PRKCH: variants seen among roughly 807,000 people sequenced by gnomAD.
The protein encoded by PRKCH is protein kinase C eta type.
PRKCH carries 28 observed loss-of-function variants against 82.5 expected under a neutral mutation model. That is an observed-to-expected ratio of 0.34 (90% CI 0.25 to 0.47). The LOEUF (loss-of-function observed/expected upper bound fraction) is 0.47, where lower values mean the gene tolerates loss of function less well. Ranked by LOEUF, PRKCH falls within the 20% of genes least tolerant of loss-of-function variation. The pLI is 1.00. For synonymous variants in PRKCH, 322 were observed against 327.4 expected (o/e 0.98, Z 0.18); for missense variants, 705 against 881.8 (o/e 0.80, Z 2.54).
intron 6 of PRKCH, chr14:61,453,007 A>T (rs1884583921): frequency 5.2e-6 from 3 of 578,604 alleles, no homozygotes; most frequent in Non-Finnish European, 9.0e-6. Context: ...GAAATATATT[A>T]TTCTTTAGTA....
chr14:61,276,422 C>T (rs2045202686), intron 1 of PRKCH, among the ~76,000 whole-genome samples: 1 of 151,404 alleles, frequency 6.6e-6, no homozygotes, highest in Admixed American at 6.6e-5. Flanking sequence ...GTGGCATGAT[C>T]TCGGCTTACT....
chr14:61,502,057 TTTCTTTTC>T (rs1196450236), intron 10 of PRKCH, among the ~76,000 whole-genome samples: 1 of 88,726 alleles, frequency 1.1e-5, no homozygotes, highest in African/African-American at 5.7e-5. Context: ...TTTCTTTTCT[TTTCTTTTC>T]TTTTTTTTTT....
At chr14:61,505,395 C>CTTTTTT (rs60304150) in intron 10 of PRKCH, among the ~76,000 whole-genome samples, 25 of 55,758 alleles carry the variant, frequency 4.5e-4, no homozygotes, top group East Asian at 7.9e-4. Flanking sequence ...CTTTTCTTTT[C>CTTTTTT]TTTTTTTTTT....
At chr14:61,338,038 G>T (rs1323555023) in intron 1 of PRKCH, among the ~76,000 whole-genome samples, 5 of 152,162 alleles carry the variant, frequency 3.3e-5, no homozygotes, top group African/African-American at 9.7e-5. Context: ...TACCTGGGTT[G>T]TGGTTGTATT....
chr14:61,212,427 A>C (rs2044590015), intron 1 of PRKCH, among the ~76,000 whole-genome samples: 1 of 152,262 alleles, frequency 6.6e-6, no homozygotes, highest in Non-Finnish European at 1.5e-5. Flanking sequence ...TAGAATCAGT[A>C]ATACATAGAC....
At position 61,335,007 on chromosome 14, in the gene PRKCH, T is replaced by G. The variant is rs140853016; in HGVS notation, c.363+12543T>G. Reference sequence around the variant, plus strand: ...AGCCGCCACTCCTAGCCTGGTTGCTTTTTTTATTTTAATCTTTAACAAAAT... The same window carrying G: ...AGCCGCCACTCCTAGCCTGGTTGCTGTTTTTATTTTAATCTTTAACAAAAT... On this transcript the variant is annotated intron_variant, in intron 1 of 13. Coordinates refer to ENST00000332981, the MANE Select transcript of PRKCH (RefSeq NM_006255.5). Among the ~76,000 whole-genome samples the G allele has an allele frequency of 4.4e-3, 668 of 152,186 alleles. 3 individuals carry two copies. Among genetic ancestry groups the G allele is most frequent in the African/African-American group, 0.015 (619 of 41,536 alleles).
intron 1 of PRKCH, among the ~76,000 whole-genome samples, chr14:61,355,652 A>G (rs926311293): frequency 3.7e-4 from 57 of 152,186 alleles, no homozygotes; most frequent in African/African-American, 1.4e-3. Flanking sequence ...TTATAGTCTC[A>G]TATTCAACAT....
At chr14:61,250,641 T>C (rs1373064127) in intron 1 of PRKCH, among the ~76,000 whole-genome samples, 1 of 152,120 alleles carries the variant, frequency 6.6e-6, no homozygotes, top group East Asian at 1.9e-4. Context: ...AGTAAAACGA[T>C]TCTGCATGAT....
rs143405741 is a variant in PRKCH, at chr14:61,374,234, A to T, written c.364-16991A>T. Among the ~76,000 whole-genome samples, 103 of 152,278 alleles carry T rather than the reference A, an allele frequency of 6.8e-4. 2 individuals are homozygous for T. The South Asian group carries it at 7.9e-3, about 12-fold the overall frequency. ...GGGGTGGGCTCCGAATGTCTTGGGC[A>T]GTTCTACTCTGTGCCTATGCAGGGT... On this transcript the variant is annotated intron_variant, in intron 1 of 13. Transcript: ENST00000332981.
chr14:61,486,995 A>G (rs1414482008), intron 10 of PRKCH, among the ~76,000 whole-genome samples: 1 of 152,260 alleles, frequency 6.6e-6, no homozygotes, highest in African/African-American at 2.4e-5. Context: ...ATTAAATTAT[A>G]AGAGCTTTAA....
Position 61,321,751 on chromosome 14 carries a change from G to T in PRKCH, c.-351G>T, listed in dbSNP as rs1018774246. 5.5e-5 allele frequency: 10 copies of T among 181,502 alleles called. No individual in the cohort carries two copies. The highest frequency in any genetic ancestry group is 2.4e-4 in the African/African-American group (10 of 42,168). 11.2% of individuals were successfully genotyped at this position (181,502 alleles called of 1,614,324 possible). ...CGCTTGGGGCTGGGGCTCACCGGAC[G>T]GGTAGGTCCGGCTCTCCAGGGAGAG... On this transcript the variant is annotated 5_prime_UTR_variant, in exon 1 of 14. Coordinates refer to ENST00000332981, the MANE Select transcript of PRKCH (RefSeq NM_006255.5). This position sits in a 1 kb window ranked among gnomAD's most constrained non-coding sequence, Gnocchi z 4.1.
At position 61,485,538 on chromosome 14, in the gene PRKCH, G is replaced by A; in HGVS notation, c.1315G>A (p.Gly439Ser). The stretch of plus-strand genomic sequence containing the variant: ...TTTTGTGATGGAGTTTGTGAATGGG[G>A]GTGACTTGATGTTCCACATTCAGAA... ...LFFVMEFVNGGDLMFHIQKSR... is the reference protein window; with the variant it reads ...LFFVMEFVNGSDLMFHIQKSR... Residue 439 changes from glycine to serine, a missense_variant, in exon 10 of 14, where the codon GGT (glycine) becomes AGT (serine). Coordinates refer to ENST00000332981, the MANE Select transcript of PRKCH (RefSeq NM_006255.5). 6.2e-7 allele frequency: 1 copy of A among 1,614,124 alleles called. No homozygotes were observed. The highest frequency in any genetic ancestry group is 8.5e-7 in the Non-Finnish European group (1 of 1,180,006).
At chr14:61,397,247 T>C (rs1286639404) in intron 2 of PRKCH, among the ~76,000 whole-genome samples, 1 of 152,154 alleles carries the variant, frequency 6.6e-6, no homozygotes, top group African/African-American at 2.4e-5. Context: ...AAGAGGAGTC[T>C]CAGATGATGC....
chr14:61,433,262 G>A (rs574185987), intron 2 of PRKCH, among the ~76,000 whole-genome samples: 2 of 151,994 alleles, frequency 1.3e-5, no homozygotes, highest in Admixed American at 6.6e-5. Context: ...GAAATGACTC[G>A]GCAGCATACT....
At chr14:61,272,173 A>G (rs1025944231) in intron 1 of PRKCH, among the ~76,000 whole-genome samples, 1 of 151,602 alleles carries the variant, frequency 6.6e-6, no homozygotes, top group Non-Finnish European at 1.5e-5. Context: ...GCTTGCAGTG[A>G]GCTGAGATTG....
chr14:61,210,814 G>GCA (rs2044572574), intron 1 of PRKCH, among the ~76,000 whole-genome samples: 3 of 149,414 alleles, frequency 2.0e-5, no homozygotes, highest in African/African-American at 4.9e-5. Flanking sequence ...GTGTGTGTGT[G>GCA]CGTGCACGCG....
chr14:61,526,856 C>T (rs1010370635), intron 10 of PRKCH, among the ~76,000 whole-genome samples: 2 of 152,248 alleles, frequency 1.3e-5, no homozygotes, highest in African/African-American at 2.4e-5. Flanking sequence ...AGCTCCAGGC[C>T]ACCTAGCATC....
intron 2 of PRKCH, among the ~76,000 whole-genome samples, chr14:61,433,303 C>G (rs1192493249): frequency 6.6e-6 from 1 of 151,840 alleles, no homozygotes; most frequent in African/African-American, 2.4e-5. Flanking sequence ...AAGATTTTTC[C>G]AAAATCATGA....
chr14:61,261,551 T>C (rs1289482062), intron 1 of PRKCH, among the ~76,000 whole-genome samples: 1 of 152,242 alleles, frequency 6.6e-6, no homozygotes, highest in Admixed American at 6.5e-5. Flanking sequence ...GTCGTATTCT[T>C]AAATATGATT....
Sources: gnomAD v4.1 joint callset for allele counts (sites outside exome capture counted in the v4.1 genomes callset) on GRCh38, gnomAD v4.1.1 for gene constraint, Gnocchi (gnomAD v3.1) non-coding constraint, MANE v1.5 for transcripts, NCBI Gene and HGNC (gene_info 2026-07-23, HGNC 2026-07-21) for gene names.